Variants in PTPRD observed in about 807,000 individuals in gnomAD.
PTPRD encodes protein tyrosine phosphatase receptor type D, also known as receptor-type tyrosine-protein phosphatase delta.
Under a neutral mutation model 214.5 loss-of-function variants are expected in PTPRD, and 34 were observed. The observed-to-expected ratio is 0.16, with a 90% CI of 0.12 to 0.21. PTPRD has a LOEUF of 0.21. Among genes scored for constraint, PTPRD ranks in the 10% least tolerant of loss-of-function variants. PTPRD has a pLI of 1.00. For synonymous variants in PTPRD, 1,128 were observed against 845.7 expected (o/e 1.33, Z -5.79); for missense variants, 2,545 against 2,398.7 (o/e 1.06, Z -1.27).
At chr9:9,832,936 GT>G (rs2055401774) in intron 5 of PTPRD, among the ~76,000 whole-genome samples, 3 of 150,274 alleles carry the variant, frequency 2.0e-5, no homozygotes, top group Admixed American at 2.0e-4. Flanking sequence ...AGTCCTTATT[GT>G]TTTAGAAATT....
intron 5 of PTPRD, among the ~76,000 whole-genome samples, chr9:9,777,347 AC>A (rs2098806576): frequency 2.1e-5 from 3 of 143,028 alleles, no homozygotes; most frequent in African/African-American, 7.4e-5. Context: ...ACACACACAC[AC>A]ACACACCCCT....
At chr9:8,992,881 T>C (rs1178798031) in intron 11 of PTPRD, among the ~76,000 whole-genome samples, 1 of 152,164 alleles carries the variant, frequency 6.6e-6, no homozygotes, top group Non-Finnish European at 1.5e-5. Flanking sequence ...GGAGGTAATA[T>C]GGCTGTTTCC....
intron 12 of PTPRD, among the ~76,000 whole-genome samples, chr9:8,696,996 C>T (rs952062370): frequency 3.3e-5 from 5 of 152,076 alleles, no homozygotes; most frequent in Non-Finnish European, 7.4e-5. Flanking sequence ...AAATGGGTTA[C>T]AAAATGCTTG....
chr9:9,995,929 T>C (rs1220510363), intron 4 of PTPRD, among the ~76,000 whole-genome samples: 1 of 152,120 alleles, frequency 6.6e-6, no homozygotes. Flanking sequence ...TACTTCCCCT[T>C]CCCAAAACAA....
chr9:8,807,994 C>G (rs2096721712), intron 11 of PTPRD, among the ~76,000 whole-genome samples: 2 of 152,160 alleles, frequency 1.3e-5, no homozygotes, highest in African/African-American at 4.8e-5. Flanking sequence ...ATTTCAAACA[C>G]TGCTTGGGGA....
intron 3 of PTPRD, among the ~76,000 whole-genome samples, chr9:10,225,498 G>C (rs147857566): frequency 6.6e-6 from 1 of 152,040 alleles, no homozygotes; most frequent in African/African-American, 2.4e-5. Flanking sequence ...AGGATGAAAA[G>C]TTGGCACTGC....
intron 5 of PTPRD, among the ~76,000 whole-genome samples, chr9:9,824,847 C>G (rs570339856): frequency 1.3e-5 from 2 of 152,110 alleles, no homozygotes; most frequent in Non-Finnish European, 2.9e-5. Context: ...ACAAACTGCT[C>G]TATACCAGTA....
At chr9:8,703,803 T>C (rs2098141287) in intron 12 of PTPRD, among the ~76,000 whole-genome samples, 1 of 152,162 alleles carries the variant, frequency 6.6e-6, no homozygotes, top group African/African-American at 2.4e-5. Flanking sequence ...GATTCAAGTA[T>C]CAAATTGCTT....
intron 11 of PTPRD, among the ~76,000 whole-genome samples, chr9:8,994,442 A>G (rs1245012993): frequency 6.6e-6 from 1 of 152,142 alleles, no homozygotes; most frequent in Non-Finnish European, 1.5e-5. Context: ...TCTTTAATCA[A>G]ATGAATTTTT....
At chr9:10,012,713 A>G (rs543407633) in intron 4 of PTPRD, among the ~76,000 whole-genome samples, 1 of 152,020 alleles carries the variant, frequency 6.6e-6, no homozygotes, top group Admixed American at 6.6e-5. Context: ...GCAATGCTCA[A>G]TATTTGGGTC....
intron 3 of PTPRD, among the ~76,000 whole-genome samples, chr9:10,065,871 A>G (rs2097870663): frequency 1.3e-5 from 2 of 151,936 alleles, no homozygotes; most frequent in Admixed American, 1.3e-4. Flanking sequence ...ACTGGTGTCT[A>G]TTTCCAACCA....
intron 5 of PTPRD, among the ~76,000 whole-genome samples, chr9:9,887,316 A>G (rs137893977): frequency 6.6e-6 from 1 of 152,152 alleles, no homozygotes; most frequent in African/African-American, 2.4e-5. Context: ...CTATACCTCT[A>G]TGTTTTTGTC....
At chr9:8,979,344 G>T (rs1368961365) in intron 11 of PTPRD, among the ~76,000 whole-genome samples, 1 of 151,558 alleles carries the variant, frequency 6.6e-6, no homozygotes, top group Admixed American at 6.6e-5. Context: ...GGTTTTTTTT[G>T]GATATCACAC....
At chr9:8,562,265 T>G (rs2086688815) in intron 14 of PTPRD, among the ~76,000 whole-genome samples, 1 of 152,118 alleles carries the variant, frequency 6.6e-6, no homozygotes, top group South Asian at 2.1e-4. Flanking sequence ...CATTATTCAG[T>G]TTACTTAGTT....
chr9:8,598,899 G>A (rs1343759377), intron 14 of PTPRD, among the ~76,000 whole-genome samples: 3 of 152,182 alleles, frequency 2.0e-5, no homozygotes, highest in Admixed American at 2.0e-4. Context: ...GATACAGAGT[G>A]TATAGAGTTC....
chr9:9,614,154 TAAAG>T (rs2094709886), intron 7 of PTPRD, among the ~76,000 whole-genome samples: 1 of 151,640 alleles, frequency 6.6e-6, no homozygotes, highest in South Asian at 2.1e-4. Flanking sequence ...TAATTATAGA[TAAAG>T]AAATTAGAGG....
intron 4 of PTPRD, among the ~76,000 whole-genome samples, chr9:9,965,707 T>C (rs2094639448): frequency 6.6e-6 from 1 of 152,210 alleles, no homozygotes; most frequent in South Asian, 2.1e-4. Flanking sequence ...ATTTTGGCTG[T>C]AAGTGTTGGG....
intron 2 of PTPRD, among the ~76,000 whole-genome samples, chr9:10,504,115 C>CAAAAAAAGAAAAAAAA (rs2045000734): frequency 3.7e-5 from 1 of 26,970 alleles, no homozygotes; most frequent in Non-Finnish European, 6.3e-5. Flanking sequence ...GACTCTGTCT[C>CAAAAAAAGAAAAAAAA]AAAAAAAAAA....
At chr9:8,436,441 TTTAAG>T (rs1173727127) in intron 35 of PTPRD, 146 bp downstream of exon 35, 7 of 579,538 alleles carry the variant, frequency 1.2e-5, no homozygotes, top group African/African-American at 5.7e-5. Context: ...TGCAGACACT[TTTAAG>T]TTGACGGTTC....
Sources: allele counts gnomAD v4.1 joint callset (sites outside exome capture counted in the v4.1 genomes callset), GRCh38; gene constraint gnomAD v4.1.1; transcripts MANE v1.5; gene names NCBI Gene and HGNC (gene_info 2026-07-23, HGNC 2026-07-21).